The following TSFM variants were observed in gnomAD, a reference collection of about 807,000 sequenced individuals.
TSFM encodes elongation factor Ts, mitochondrial.
A neutral mutation model predicts 33.4 loss-of-function variants in TSFM; 29 were observed. The observed-to-expected ratio is 0.87, with a 90% CI of 0.65 to 1.18. The LOEUF is 1.18. Ranked by LOEUF, TSFM falls within the 50% of genes most tolerant of loss-of-function variation. TSFM has a pLI of 0.00. For missense variants in TSFM, 394 were observed against 395.6 expected, an observed-to-expected ratio of 1.00 and a Z score of 0.04; for synonymous variants, 178 against 163.5, an observed-to-expected ratio of 1.09 and a Z score of -0.68.
rs1002927462 is a variant in TSFM at position 57,796,804 on chromosome 12, G to A, written c.*221G>A. 6 of 1,182,762 alleles carry A rather than the reference G, an allele frequency of 5.1e-6. No individual in the cohort carries two copies. The highest frequency in any genetic ancestry group is 4.2e-5 in the South Asian group (1 of 23,642). The allele number at this position is 1,182,762 out of a possible 1,614,324, so 73.3% of individuals were successfully genotyped here. ...TGGGCCTTATTGACGTGATAGTGTC[G>A]TGGAGAACAGGCATCAACAATACTG... On this transcript the variant is annotated 3_prime_UTR_variant, in exon 6 of 6. Transcript: ENST00000652027.
intron 2 of TSFM, among the ~76,000 whole-genome samples, chr12:57,784,749 A>C (rs1480534033): frequency 6.6e-6 from 1 of 151,574 alleles, no homozygotes; most frequent in Admixed American, 6.6e-5. Flanking sequence ...GTGTGGTGGC[A>C]AGGGCCTGTA....
At chr12:57,787,211 G>A in intron 4 of TSFM, 49 bp downstream of exon 4, 2 of 1,519,746 alleles carry the variant, frequency 1.3e-6, no homozygotes, top group South Asian at 2.5e-5. Context: ...GTCCTCATTG[G>A]GTCTTTTGCT....
intron 4 of TSFM, among the ~76,000 whole-genome samples, chr12:57,789,475 T>C (rs1255368103): frequency 1.3e-5 from 2 of 152,218 alleles, no homozygotes; most frequent in South Asian, 2.1e-4. Flanking sequence ...GCAATTCTTA[T>C]GCTTCAGCCT....
intron 4 of TSFM, among the ~76,000 whole-genome samples, chr12:57,788,249 A>G (rs2140419124): frequency 6.6e-6 from 1 of 151,258 alleles, no homozygotes; most frequent in East Asian, 2.0e-4. Flanking sequence ...TGATTTTGCC[A>G]GTAAACACCA....
In TSFM at chr12:57,783,384, C is replaced by T. The variant is rs1053780844; in HGVS notation, c.231+101C>T. On this transcript the variant is annotated intron_variant, in intron 2 of 5. Coordinates refer to ENST00000652027, the MANE Select transcript of TSFM (RefSeq NM_005726.6). ...ATAAAGTTAGACTGCTCTTCAGTGA[C>T]CATAATGGCACAGTCCTAAGTGGAA... 3.6e-6 allele frequency: 5 copies of T among 1,379,894 alleles called. No individual in the cohort carries two copies. In the African/African-American group the frequency reaches 5.7e-5, roughly 16 times the overall value. The allele number at this position is 1,379,894 out of a possible 1,614,324, so 85.5% of individuals were successfully genotyped here.
rs746826775 is a variant in TSFM at position 57,783,200 on chromosome 12, C to T, written c.148C>T (p.Leu50Phe). Residue 50 changes from leucine (L) to phenylalanine (F), a missense_variant, in exon 2 of 6, where the codon CTC (leucine) becomes TTC (phenylalanine). By Grantham distance (22) the Leu-to-Phe change is conservative. Coordinates refer to ENST00000652027, the MANE Select transcript of TSFM (RefSeq NM_005726.6). ...LSASASSKEL[L>F]MKLRRKTGYS... is the part of the protein sequence containing the mutation. Reference sequence around the variant, plus strand: ...TGCCTCGGCCTCCAGCAAGGAGCTCCTCATGAAGCTGCGGCGGAAAACAGG... The same window carrying T: ...TGCCTCGGCCTCCAGCAAGGAGCTCTTCATGAAGCTGCGGCGGAAAACAGG... The T allele has an allele frequency of 1.2e-6, 2 of 1,613,800 alleles. No homozygotes were observed. Among genetic ancestry groups the T allele is most frequent in the Non-Finnish European group, 1.7e-6 (2 of 1,179,904 alleles).
rs1188621783 is a variant in TSFM, at chr12:57,797,204, G to T, written c.*621G>T. 1 of 985,328 alleles carries T rather than the reference G, an allele frequency of 1.0e-6. No individual in the cohort carries two copies. Among genetic ancestry groups the T allele is most frequent in the East Asian group, 1.1e-4 (1 of 8,830 alleles). The allele number at this position is 985,328 out of a possible 1,614,324, so 61.0% of individuals were successfully genotyped here. ...GGTGGGTACTGAGGTTTCCTGGCCA[G>T]CTGTAAGGCAGATTTTGACATTCTT... On this transcript the variant is annotated 3_prime_UTR_variant, in exon 6 of 6. Transcript: ENST00000652027.
chr12:57,784,374 A>G (rs1955560579), intron 2 of TSFM, among the ~76,000 whole-genome samples: 1 of 152,244 alleles, frequency 6.6e-6, no homozygotes, highest in Non-Finnish European at 1.5e-5. Context: ...AGCACAGTAC[A>G]CATAAGCTAC....
intron 4 of TSFM, 100 bp downstream of exon 4, chr12:57,787,262 C>T (rs983005245): frequency 2.5e-6 from 3 of 1,202,564 alleles, no homozygotes; most frequent in Non-Finnish European, 2.3e-6. Flanking sequence ...TCTGTTACTT[C>T]ACATCTCTGC....
chr12:57,796,633 A>G lies in TSFM; in HGVS notation c.*50A>G, dbSNP rs1356945891. On this transcript the variant is annotated 3_prime_UTR_variant, in exon 6 of 6. Transcript: ENST00000652027. ...GGAATATTTACTTTTAGCTCTGGAC[A>G]TCATTACAAAAAGGAATATTTCCCA... The G allele has an allele frequency of 4.6e-6, 6 of 1,304,822 alleles. No homozygotes were observed. Among genetic ancestry groups the G allele is most frequent in the Non-Finnish European group, 4.9e-6 (5 of 1,018,450 alleles). 80.8% of individuals were successfully genotyped at this position (1,304,822 alleles called of 1,614,324 possible). A position where few individuals can be genotyped will look rare whatever the true frequency, so the allele number is the denominator to read the frequency against.
chr12:57,787,196 T>A (rs1955602899), intron 4 of TSFM, 34 bp downstream of exon 4: 1 of 1,544,918 alleles, frequency 6.5e-7, no homozygotes, highest in African/African-American at 1.4e-5. Flanking sequence ...TGTGCTGAAT[T>A]TGCTGTCCTC....
chr12:57,794,455 A>G (rs538463244), intron 5 of TSFM, among the ~76,000 whole-genome samples: 56 of 152,364 alleles, frequency 3.7e-4, no homozygotes, highest in African/African-American at 1.3e-3. Context: ...GTTCTCATAA[A>G]TAACTCTTGA....
At chr12:57,788,260 G>A (rs1739581863) in intron 4 of TSFM, among the ~76,000 whole-genome samples, 2 of 147,078 alleles carry the variant, frequency 1.4e-5, no homozygotes, top group African/African-American at 2.4e-5. Flanking sequence ...GTAAACACCA[G>A]TGTACCCTTT....
At chr12:57,800,957 AG>A (rs2140437346), downstream of TSFM, among the ~76,000 whole-genome samples, 1 of 152,334 alleles carries the variant, frequency 6.6e-6, no homozygotes, top group South Asian at 2.1e-4. Flanking sequence ...TCTGGAAGTC[AG>A]GAAAATAAGG....
At chr12:57,787,523 A>G (rs1431847530) in intron 4 of TSFM, among the ~76,000 whole-genome samples, 2 of 152,214 alleles carry the variant, frequency 1.3e-5, no homozygotes, top group African/African-American at 4.8e-5. Flanking sequence ...AGATGAATGA[A>G]TGAATGATTG....
intron 2 of TSFM, among the ~76,000 whole-genome samples, chr12:57,784,889 A>C (rs1452707852): frequency 6.6e-6 from 1 of 151,670 alleles, no homozygotes; most frequent in South Asian, 2.1e-4. Flanking sequence ...TCAAAAAAAA[A>C]AACAACAACT....
intron 2 of TSFM, chr12:57,784,086 T>C: frequency 1.4e-6 from 1 of 702,776 alleles, no homozygotes; most frequent in Non-Finnish European, 2.6e-6. Flanking sequence ...CAACCTGGGC[T>C]ATATGGAATT....
chr12:57,794,608 A>G (rs1238278301), intron 5 of TSFM, among the ~76,000 whole-genome samples: 1 of 152,136 alleles, frequency 6.6e-6, no homozygotes, highest in Non-Finnish European at 1.5e-5. Context: ...TGGTGGGAAA[A>G]AGCACCTAAT....
chr12:57,786,200 G>A lies in TSFM; in HGVS notation c.269G>A (p.Gly90Asp), dbSNP rs371076990. ...CTCCACAAGGAGGCCCAGAAGGAGG[G>A]CTGGAGCAAAGCTGCCAAGCTCCAA... ...IWLHKEAQKE[G>D]WSKAAKLQGR... The change falls in exon 3 of 6, where the codon GGC becomes GAC. Residue 90 changes from glycine to aspartate, a missense_variant. Gly to Asp is a moderately conservative substitution (Grantham distance 94, BLOSUM62 -1). Coordinates refer to ENST00000652027, the MANE Select transcript of TSFM (RefSeq NM_005726.6). 126 of 1,609,458 alleles carry A rather than the reference G, an allele frequency of 7.8e-5. No homozygotes were observed. The highest frequency in any genetic ancestry group is 1.6e-4 in the Middle Eastern group (1 of 6,082).
Sources: allele counts gnomAD v4.1 joint callset (sites outside exome capture counted in the v4.1 genomes callset), GRCh38; gene constraint gnomAD v4.1.1; transcripts MANE v1.5; gene names NCBI Gene and HGNC (gene_info 2026-07-23, HGNC 2026-07-21).